KIAA1217: variants seen among roughly 807,000 people sequenced by gnomAD.
KIAA1217 encodes the protein KIAA1217.
A neutral mutation model predicts 163.9 loss-of-function variants in KIAA1217; 88 were observed. The observed-to-expected ratio is 0.54, with a 90% CI of 0.45 to 0.64. The LOEUF is 0.64. Ranked by LOEUF, KIAA1217 falls within the 30% of genes least tolerant of loss-of-function variation. The probability of loss-of-function intolerance (pLI) is 0.00; values close to 1 mark genes in which losing one functional copy is unlikely to be tolerated. For synonymous variants in KIAA1217, 903 were observed against 923.1 expected, an observed-to-expected ratio of 0.98 and a Z score of 0.39; for missense variants, 2,372 against 2,475.0, an observed-to-expected ratio of 0.96 and a Z score of 0.88.
At chr10:23,971,285 A>G (rs1450114537) in intron 1 of KIAA1217, among the ~76,000 whole-genome samples, 3 of 152,206 alleles carry the variant, frequency 2.0e-5, no homozygotes, top group East Asian at 1.9e-4. Context: ...TTTGCATCTT[A>G]GTGCTCATGC....
chr10:24,225,362 G>A (rs1236564032), intron 2 of KIAA1217, among the ~76,000 whole-genome samples: 5 of 152,086 alleles, frequency 3.3e-5, no homozygotes, highest in African/African-American at 7.2e-5. Context: ...GGCCTCAAGC[G>A]ATCCTCTCGC....
At chr10:24,427,293 T>G (rs2059253940) in intron 3 of KIAA1217, among the ~76,000 whole-genome samples, 1 of 152,062 alleles carries the variant, frequency 6.6e-6, no homozygotes, top group African/African-American at 2.4e-5. Flanking sequence ...GAATCTTTTT[T>G]CTGAGCTGCA....
intron 1 of KIAA1217, among the ~76,000 whole-genome samples, chr10:23,865,040 G>T (rs1159322626): frequency 6.6e-6 from 1 of 152,230 alleles, no homozygotes; most frequent in East Asian, 1.9e-4. Context: ...GCAACATTGA[G>T]ACTGGTGCTT....
intron 2 of KIAA1217, among the ~76,000 whole-genome samples, chr10:24,032,066 T>C (rs905156304): frequency 8.2e-6 from 1 of 122,304 alleles, no homozygotes; most frequent in African/African-American, 3.1e-5. Flanking sequence ...CTACAATTTA[T>C]GAATAACCTC....
intron 2 of KIAA1217, among the ~76,000 whole-genome samples, chr10:24,194,949 C>T (rs191624547): frequency 1.7e-3 from 262 of 151,986 alleles, no homozygotes; most frequent in African/African-American, 6.0e-3. Flanking sequence ...CTTCTCTGTA[C>T]GAGGATAACA....
intron 1 of KIAA1217, among the ~76,000 whole-genome samples, chr10:23,880,840 A>T (rs1462313357): frequency 6.6e-6 from 1 of 152,036 alleles, no homozygotes; most frequent in Non-Finnish European, 1.5e-5. Flanking sequence ...GTTCAAGGTC[A>T]CAGGTTTAGT....
At chr10:23,949,608 A>C (rs1313101870) in intron 1 of KIAA1217, among the ~76,000 whole-genome samples, 1 of 152,110 alleles carries the variant, frequency 6.6e-6, no homozygotes, top group East Asian at 1.9e-4. Flanking sequence ...ACCTTTTTTT[A>C]AGATTAATTT....
At chr10:23,987,374 C>G (rs1447349862) in intron 1 of KIAA1217, among the ~76,000 whole-genome samples, 1 of 57,294 alleles carries the variant, frequency 1.7e-5, no homozygotes, top group Non-Finnish European at 3.3e-5. Context: ...GAGACTCCAT[C>G]TCAAAAAAAA....
intron 1 of KIAA1217, among the ~76,000 whole-genome samples, chr10:23,838,386 T>A (rs1028097284): frequency 2.0e-5 from 3 of 152,008 alleles, no homozygotes; most frequent in Non-Finnish European, 2.9e-5. Context: ...AAATTTTAAA[T>A]CAACATAAAA....
intron 2 of KIAA1217, among the ~76,000 whole-genome samples, chr10:24,226,787 G>A (rs2070622651): frequency 6.6e-6 from 1 of 152,094 alleles, no homozygotes; most frequent in Admixed American, 6.6e-5. Flanking sequence ...TCTGAGTTCA[G>A]AAAGATCTGT....
chr10:24,476,375 T>C (rs556970706), intron 6 of KIAA1217, among the ~76,000 whole-genome samples: 257 of 152,330 alleles, frequency 1.7e-3, no homozygotes, highest in African/African-American at 6.1e-3. Flanking sequence ...CTTTTGGTAC[T>C]ATGGGTATTC....
In KIAA1217 at chr10:24,075,120, A is replaced by G. The variant is rs183960979; in HGVS notation, c.-171+67746A>G. On this transcript the variant is annotated intron_variant, in intron 2 of 18. Transcript: ENST00000376462. ...GAAAGTCCTTCTGTTCCCCCTAAAT[A>G]CACACACACACACACACACACACAC... 5.9e-3 allele frequency among the ~76,000 whole-genome samples: 228 copies of G among 38,848 alleles called. 1 individual carries two copies. The highest frequency in any genetic ancestry group is 0.01 in the African/African-American group (23 of 2,262). The allele number at this position is 38,848 out of a possible 152,430, so 25.5% of individuals were successfully genotyped here.
intron 1 of KIAA1217, among the ~76,000 whole-genome samples, chr10:23,830,139 A>G (rs1294327297): frequency 6.6e-6 from 1 of 152,212 alleles, no homozygotes; most frequent in Non-Finnish European, 1.5e-5. Context: ...GCAATCTTCC[A>G]TAAAATATCC....
At chr10:24,054,379 A>G (rs915567470) in intron 2 of KIAA1217, among the ~76,000 whole-genome samples, 1 of 152,174 alleles carries the variant, frequency 6.6e-6, no homozygotes, top group African/African-American at 2.4e-5. Context: ...GATTGGATGA[A>G]CACCTAGGGA....
At chr10:24,131,581 G>C (rs1474533093) in intron 2 of KIAA1217, among the ~76,000 whole-genome samples, 1 of 152,088 alleles carries the variant, frequency 6.6e-6, no homozygotes, top group Non-Finnish European at 1.5e-5. Context: ...CCATAATTAT[G>C]CCCGCTGTAC....
chr10:23,891,910 C>T (rs532968854), intron 1 of KIAA1217, among the ~76,000 whole-genome samples: 108 of 152,014 alleles, frequency 7.1e-4, no homozygotes, highest in African/African-American at 2.4e-3. Context: ...CCACTGGGTA[C>T]ATTAAGTATC....
At chr10:24,330,955 AT>A (rs1201397325) in intron 2 of KIAA1217, among the ~76,000 whole-genome samples, 1 of 151,222 alleles carries the variant, frequency 6.6e-6, no homozygotes, top group Non-Finnish European at 1.5e-5. Flanking sequence ...TTTTATTTTT[AT>A]TTTTTGAGAC....
At chr10:24,120,998 C>A (rs2063260933) in intron 2 of KIAA1217, among the ~76,000 whole-genome samples, 1 of 152,198 alleles carries the variant, frequency 6.6e-6, no homozygotes, top group Admixed American at 6.5e-5. Flanking sequence ...CTGTGTAATG[C>A]AGGTAATAGA....
At chr10:23,825,980 T>G (rs1253120929) in intron 1 of KIAA1217, among the ~76,000 whole-genome samples, 1 of 152,178 alleles carries the variant, frequency 6.6e-6, no homozygotes, top group Non-Finnish European at 1.5e-5. Context: ...CAGTTTCTGG[T>G]ACACAGAGAT....
Sources: gnomAD v4.1 joint callset for allele counts (sites outside exome capture counted in the v4.1 genomes callset) on GRCh38, gnomAD v4.1.1 for gene constraint, MANE v1.5 for transcripts, NCBI Gene and HGNC (gene_info 2026-07-23, HGNC 2026-07-21) for gene names.